The following NRXN1 variants were observed in gnomAD, a reference collection of about 807,000 sequenced individuals.
NRXN1 encodes the protein neurexin-1.
In NRXN1, 39 loss-of-function variants were observed where a neutral mutation model predicts 150.9. That is an observed-to-expected ratio of 0.26 (90% CI 0.20 to 0.34). The LOEUF (loss-of-function observed/expected upper bound fraction) is 0.34, where lower values mean the gene tolerates loss of function less well. Among genes scored for constraint, NRXN1 ranks in the 10% least tolerant of loss-of-function variants. The pLI is 1.00. For synonymous variants in NRXN1, 924 were observed against 757.0 expected (o/e 1.22, Z -3.62); for missense variants, 1,815 against 1,949.9 (o/e 0.93, Z 1.30).
chr2:51,009,832 C>T (rs1437053010), intron 2 of NRXN1, among the ~76,000 whole-genome samples: 13 of 151,740 alleles, frequency 8.6e-5, no homozygotes, highest in Non-Finnish European at 1.6e-4. Context: ...TGAGGAGAAA[C>T]GTTACATCTG....
At chr2:50,758,224 T>C (rs1701384947) in intron 5 of NRXN1, 1 of 151,828 alleles carries the variant, frequency 6.6e-6, no homozygotes. Context: ...TCCTAGACTC[T>C]ACTATGGTCG....
chr2:49,979,975 T>G (rs1462925829), intron 21 of NRXN1, among the ~76,000 whole-genome samples: 1 of 151,764 alleles, frequency 6.6e-6, no homozygotes, highest in East Asian at 1.9e-4. Flanking sequence ...TCTAGGTATA[T>G]ATGCTTTGTA....
intron 17 of NRXN1, among the ~76,000 whole-genome samples, chr2:50,387,528 T>C (rs1026422000): frequency 2.0e-5 from 3 of 152,160 alleles, no homozygotes; most frequent in African/African-American, 7.2e-5. Context: ...TAAAAATATA[T>C]AACTGTTTTA....
chr2:50,664,398 T>C (rs1455390219), intron 5 of NRXN1, among the ~76,000 whole-genome samples: 1 of 82,798 alleles, frequency 1.2e-5, no homozygotes, highest in African/African-American at 6.7e-5. Flanking sequence ...GTTTAAAGCG[T>C]GTGTGTGTGT....
chr2:50,120,749 A>C (rs1703741700), intron 18 of NRXN1, among the ~76,000 whole-genome samples: 1 of 152,222 alleles, frequency 6.6e-6, no homozygotes, highest in Non-Finnish European at 1.5e-5. Flanking sequence ...TTAAGTTATT[A>C]AAATTTAATC....
Position 50,946,292 on chromosome 2 carries a change from T to C in NRXN1, c.773-20337A>G, listed in dbSNP as rs557346111. Reference sequence around the variant, plus strand: ...ACTAAAGAGATATTTGTCAAAAAGTTCTTGACAAATAAGTGTGGAACACTT... The same window carrying C: ...ACTAAAGAGATATTTGTCAAAAAGTCCTTGACAAATAAGTGTGGAACACTT... On this transcript the variant is annotated intron_variant, in intron 2 of 22. Transcript: ENST00000401669. 2.6e-5 allele frequency among the ~76,000 whole-genome samples: 4 copies of C among 152,272 alleles called. No individual in the cohort carries two copies. In the South Asian group the frequency reaches 8.3e-4, roughly 32 times the overall value.
chr2:50,822,644 G>A (rs1007700913), intron 5 of NRXN1, among the ~76,000 whole-genome samples: 2 of 152,020 alleles, frequency 1.3e-5, no homozygotes, highest in Non-Finnish European at 2.9e-5. Context: ...AAAGAGAAGA[G>A]GGAATAATAT....
At chr2:51,024,279 T>C (rs1365839515) in intron 2 of NRXN1, among the ~76,000 whole-genome samples, 1 of 152,192 alleles carries the variant, frequency 6.6e-6, no homozygotes, top group Non-Finnish European at 1.5e-5. Flanking sequence ...TTTTGCTTAG[T>C]TGAGTTCTGA....
chr2:50,447,752 T>TATATATATATATATATATATATATATAG (rs2086578267), intron 17 of NRXN1, among the ~76,000 whole-genome samples: 1 of 58,944 alleles, frequency 1.7e-5, no homozygotes, highest in African/African-American at 6.3e-5. Context: ...TATATATATA[T>TATATATATATATATATATATATATATAG]ATATATATAT....
At chr2:50,870,235 A>C (rs1320003727) in intron 5 of NRXN1, among the ~76,000 whole-genome samples, 1 of 151,956 alleles carries the variant, frequency 6.6e-6, no homozygotes, top group Admixed American at 6.6e-5. Flanking sequence ...CATTTATTAT[A>C]AAACCAAATA....
intron 17 of NRXN1, among the ~76,000 whole-genome samples, chr2:50,298,053 T>A (rs190136255): frequency 6.6e-6 from 1 of 152,044 alleles, no homozygotes; most frequent in East Asian, 1.9e-4. Flanking sequence ...TTAATTTTAA[T>A]ATTAAAATAT....
chr2:50,249,715 G>A (rs920885368), intron 17 of NRXN1, among the ~76,000 whole-genome samples: 1 of 151,316 alleles, frequency 6.6e-6, no homozygotes, highest in Non-Finnish European at 1.5e-5. Context: ...TCAGCTCACT[G>A]CAAACTCTGC....
chr2:50,472,114 G>A (rs2089536943), intron 16 of NRXN1, among the ~76,000 whole-genome samples, 184 bp downstream of exon 16: 2 of 151,550 alleles, frequency 1.3e-5, no homozygotes, highest in South Asian at 4.2e-4. Context: ...CATTAATGTA[G>A]GCTTGCAAAC....
intron 21 of NRXN1, among the ~76,000 whole-genome samples, chr2:49,980,266 G>A (rs1344729007): frequency 6.6e-6 from 1 of 152,122 alleles, no homozygotes; most frequent in African/African-American, 2.4e-5. Context: ...GCCCTTCCAT[G>A]GAGACTGATT....
intron 17 of NRXN1, among the ~76,000 whole-genome samples, chr2:50,269,971 AAAATTAAATT>A (rs1196148238): frequency 1.3e-5 from 2 of 152,302 alleles, no homozygotes; most frequent in East Asian, 1.9e-4. Context: ...CTGTTAAAAC[AAAATTAAATT>A]AAATTAAATT....
At chr2:50,815,294 A>G (rs1574571799) in intron 5 of NRXN1, among the ~76,000 whole-genome samples, 1 of 152,322 alleles carries the variant, frequency 6.6e-6, no homozygotes, top group East Asian at 1.9e-4. Context: ...ACGCAGTGGT[A>G]ATTATAAAAG....
At chr2:51,011,216 A>G (rs1320154895) in intron 2 of NRXN1, among the ~76,000 whole-genome samples, 1 of 151,992 alleles carries the variant, frequency 6.6e-6, no homozygotes, top group Non-Finnish European at 1.5e-5. Flanking sequence ...GAAATTGCCT[A>G]CTTGTTTTGT....
At chr2:50,481,998 G>A (rs1159153097) in intron 15 of NRXN1, among the ~76,000 whole-genome samples, 1 of 149,996 alleles carries the variant, frequency 6.7e-6, no homozygotes, top group Non-Finnish European at 1.5e-5. Flanking sequence ...TCGATCTCCT[G>A]ACCTCGTGAT....
intron 22 of NRXN1, among the ~76,000 whole-genome samples, chr2:49,928,127 T>A (rs2104120471): frequency 6.6e-6 from 1 of 150,728 alleles, no homozygotes. Context: ...ATGCTAGTGG[T>A]TAAAAAAAAA....
Sources: allele counts gnomAD v4.1 joint callset (sites outside exome capture counted in the v4.1 genomes callset), GRCh38; gene constraint gnomAD v4.1.1; transcripts MANE v1.5; gene names NCBI Gene and HGNC (gene_info 2026-07-23, HGNC 2026-07-21).